Variants in OR52E5 observed in about 807,000 individuals in gnomAD.
The protein encoded by OR52E5 is olfactory receptor family 52 subfamily E member 5.
At position 5,900,805 on chromosome 11, in the gene OR52E5, A is replaced by C; in HGVS notation, c.29A>C (p.His10Pro). 1 of 401,260 alleles carries C rather than the reference A, an allele frequency of 2.5e-6. No homozygotes were observed. Among genetic ancestry groups the C allele is most frequent in the Non-Finnish European group, 4.4e-6 (1 of 226,238 alleles). The allele number at this position is 401,260 out of a possible 1,614,324, so 24.9% of individuals were successfully genotyped here. The part of the protein sequence containing the change: MLHTNNTQF[H>P]PSTFLVVGVP... ...CTTCATACCAACAATACACAGTTTC[A>C]CCCTTCCACCTTCCTCGTAGTGGGG... Residue 10 changes from histidine to proline, a missense_variant, in exon 3 of 3, where the codon CAC (histidine) becomes CCC (proline). Coordinates refer to ENST00000610445, the MANE Select transcript of OR52E5 (RefSeq NM_001005166.5).
Position 5,901,912 on chromosome 11 carries a change from T to A in OR52E5, c.*152T>A. 2.5e-6 allele frequency: 1 copy of A among 397,374 alleles called. No individual in the cohort carries two copies. The highest frequency in any genetic ancestry group is 4.5e-6 in the Non-Finnish European group (1 of 224,224). The allele number at this position is 397,374 out of a possible 1,614,324, so 24.6% of individuals were successfully genotyped here. A position where few individuals can be genotyped will look rare whatever the true frequency, so the allele number is the denominator to read the frequency against. ...AGCTCAAAGATTCCAAAACAATCTC[T>A]CTGTTTCACCCATTAAAAGTGCAAA... On this transcript the variant is annotated 3_prime_UTR_variant, in exon 3 of 3. Coordinates refer to ENST00000610445, the MANE Select transcript of OR52E5 (RefSeq NM_001005166.5).
chr11:5,894,433 T>C (rs768951696), intron 1 of OR52E5, among the ~76,000 whole-genome samples: 6 of 150,402 alleles, frequency 4.0e-5, no homozygotes, highest in Admixed American at 6.6e-5. Context: ...TTTGGAAAAA[T>C]AGGAAAAAAA....
At chr11:5,898,575 G>A (rs984098113) in intron 2 of OR52E5, among the ~76,000 whole-genome samples, 11 of 152,118 alleles carry the variant, frequency 7.2e-5, no homozygotes, top group African/African-American at 2.4e-4. Context: ...GTAGTTTGAG[G>A]CCTCATATTC....
In OR52E5 at chr11:5,901,096, A is replaced by T; in HGVS notation, c.320A>T (p.His107Leu). Residue 107 changes from histidine to leucine, a missense_variant, in exon 3 of 3, where the codon CAT becomes CTT. His to Leu is a moderately conservative substitution (Grantham distance 99, BLOSUM62 -3). Coordinates refer to ENST00000610445, the MANE Select transcript of OR52E5 (RefSeq NM_001005166.5). The stretch of plus-strand genomic sequence containing the variant: ...TGCATCACACAGATGTATACCATTC[A>T]TATATGCACTGGCCTGGAGTCTGTG... ...GACITQMYTI[H>L]ICTGLESVVL... 2.5e-6 allele frequency: 1 copy of T among 401,616 alleles called. No individual in the cohort carries two copies. Among genetic ancestry groups the T allele is most frequent in the Non-Finnish European group, 4.4e-6 (1 of 226,308 alleles). 24.9% of individuals were successfully genotyped at this position (401,616 alleles called of 1,614,324 possible). A position where few individuals can be genotyped will look rare whatever the true frequency, so the allele number is the denominator to read the frequency against.
chr11:5,899,967 A>T (rs1847226428), intron 2 of OR52E5, among the ~76,000 whole-genome samples: 3 of 152,198 alleles, frequency 2.0e-5, no homozygotes, highest in Admixed American at 1.3e-4. Flanking sequence ...TATCTTTTAA[A>T]AAGATAGAGA....
chr11:5,897,439 T>C (rs552175723), intron 2 of OR52E5, among the ~76,000 whole-genome samples: 2 of 152,334 alleles, frequency 1.3e-5, no homozygotes, highest in South Asian at 4.1e-4. Flanking sequence ...TCCAGCTGCA[T>C]TCATATTGCT....
At chr11:5,897,932 G>A (rs1432434714) in intron 2 of OR52E5, among the ~76,000 whole-genome samples, 2 of 152,000 alleles carry the variant, frequency 1.3e-5, no homozygotes, top group South Asian at 2.1e-4. Context: ...GCACAATCAC[G>A]GCTCACTGCA....
chr11:5,896,666 G>A (rs1847180359), intron 2 of OR52E5, among the ~76,000 whole-genome samples: 1 of 152,094 alleles, frequency 6.6e-6, no homozygotes, highest in Admixed American at 6.6e-5. Flanking sequence ...TAAAATCCAT[G>A]TGGAAAGTAA....
intron 1 of OR52E5, among the ~76,000 whole-genome samples, chr11:5,893,586 G>C (rs957354019): frequency 6.6e-6 from 1 of 152,052 alleles, no homozygotes; most frequent in South Asian, 2.1e-4. Flanking sequence ...ATTTCATGAA[G>C]ATGAGAAGGA....
chr11:5,893,702 A>C (rs1590400596), intron 1 of OR52E5, among the ~76,000 whole-genome samples: 4 of 152,020 alleles, frequency 2.6e-5, no homozygotes, highest in Admixed American at 2.6e-4. Flanking sequence ...TCAAATTTTC[A>C]CCCGTCCCTG....
At chr11:5,893,442 T>C (rs1230325426) in intron 1 of OR52E5, among the ~76,000 whole-genome samples, 172 bp downstream of exon 1, 2 of 151,942 alleles carry the variant, frequency 1.3e-5, no homozygotes, top group African/African-American at 2.4e-5. Flanking sequence ...CCCAAATTCA[T>C]AGCTGTAGTC....
At chr11:5,895,875 C>A (rs1394415504) in intron 2 of OR52E5, among the ~76,000 whole-genome samples, 162 bp downstream of exon 2, 2 of 152,110 alleles carry the variant, frequency 1.3e-5, no homozygotes, top group African/African-American at 4.8e-5. Context: ...CCAGCCTGGC[C>A]TTGTCTCTAC....
chr11:5,893,235 G>T lies in OR52E5; in HGVS notation c.-263G>T, dbSNP rs1201074411. On this transcript the variant is annotated 5_prime_UTR_variant, in exon 1 of 3. Coordinates refer to ENST00000610445, the MANE Select transcript of OR52E5 (RefSeq NM_001005166.5). The stretch of plus-strand genomic sequence containing the variant: ...TACAGGTTGCAGTCTGGGGTATCCG[G>T]TCCTTCACAGACAATTTCTCAGATG... 3.3e-5 allele frequency: 5 copies of T among 152,260 alleles called. No individual in the cohort carries two copies. The highest frequency in any genetic ancestry group is 7.3e-5 in the Non-Finnish European group (5 of 68,144). The allele number at this position is 152,260 out of a possible 1,614,324, so 9.4% of individuals were successfully genotyped here.
At chr11:5,897,599 G>A (rs1213978943) in intron 2 of OR52E5, among the ~76,000 whole-genome samples, 2 of 152,174 alleles carry the variant, frequency 1.3e-5, no homozygotes, top group African/African-American at 4.8e-5. Flanking sequence ...ATCAGTGCAG[G>A]TGTATTTTTG....
At chr11:5,898,008 G>A (rs564314765) in intron 2 of OR52E5, among the ~76,000 whole-genome samples, 47 of 150,554 alleles carry the variant, frequency 3.1e-4, no homozygotes, top group South Asian at 8.4e-4. Context: ...AACCATAGGC[G>A]CACACCACCA....
At chr11:5,894,298 T>C (rs1847143198) in intron 1 of OR52E5, among the ~76,000 whole-genome samples, 1 of 152,146 alleles carries the variant, frequency 6.6e-6, no homozygotes, top group Non-Finnish European at 1.5e-5. Flanking sequence ...CTGATTAAGG[T>C]GGTCTTAGTT....
chr11:5,895,522 T>A (rs1234280284), intron 1 of OR52E5, 110 bp from the exon 2 acceptor site: 2 of 152,230 alleles, frequency 1.3e-5, no homozygotes, highest in African/African-American at 2.4e-5. Flanking sequence ...TATAGCTTAT[T>A]CATTAATACA....
At chr11:5,896,567 T>C (rs1590402471) in intron 2 of OR52E5, among the ~76,000 whole-genome samples, 1 of 152,196 alleles carries the variant, frequency 6.6e-6, no homozygotes, top group African/African-American at 2.4e-5. Flanking sequence ...AGGCAGCAAG[T>C]GGTGAGTACA....
chr11:5,896,752 T>A (rs772470276), intron 2 of OR52E5, among the ~76,000 whole-genome samples: 1 of 152,208 alleles, frequency 6.6e-6, no homozygotes, highest in Admixed American at 6.5e-5. Flanking sequence ...TTAATTTTAT[T>A]ACCCCCAGCT....
Sources: gnomAD v4.1 joint callset for allele counts (sites outside exome capture counted in the v4.1 genomes callset) on GRCh38, gnomAD v4.1.1 for gene constraint, MANE v1.5 for transcripts, NCBI Gene and HGNC (gene_info 2026-07-23, HGNC 2026-07-21) for gene names.